C3orf38: variants seen among roughly 807,000 people sequenced by gnomAD.
C3orf38 encodes chromosome 3 open reading frame 38.
A neutral mutation model predicts 28.3 loss-of-function variants in C3orf38; 18 were observed. The ratio of observed to expected loss-of-function variants is 0.64; its 90% CI spans 0.44 to 0.94. The LOEUF (loss-of-function observed/expected upper bound fraction) is 0.94. Among genes scored for constraint, C3orf38 ranks in the 40% least tolerant of loss-of-function variants. The pLI is 0.00. For synonymous variants in C3orf38, 145 were observed against 138.1 expected, an observed-to-expected ratio of 1.05 and a Z score of -0.35; for missense variants, 364 against 396.4, an observed-to-expected ratio of 0.92 and a Z score of 0.69.
In C3orf38 at chr3:88,156,662, CA is replaced by C. The variant is rs1412494635; in HGVS notation, c.*31del. 1 of 1,590,998 alleles carries C rather than the reference CA, an allele frequency of 6.3e-7. No homozygotes were observed. The highest frequency in any genetic ancestry group is 1.4e-5 in the African/African-American group (1 of 73,908). ...GTAGTGGAAATGAGACATTGCTGAACAAAAGAGAACTGGGTTTACCTGACCC... is the reference window on the plus strand; with the variant it reads ...GTAGTGGAAATGAGACATTGCTGAACAAAGAGAACTGGGTTTACCTGACCC... On this transcript the variant is annotated 3_prime_UTR_variant, in exon 3 of 3. Coordinates refer to ENST00000318887, the MANE Select transcript of C3orf38 (RefSeq NM_173824.4).
chr3:88,150,282 G>T, intron 1 of C3orf38, 97 bp downstream of exon 1: 1 of 1,428,302 alleles, frequency 7.0e-7, no homozygotes, highest in South Asian at 1.3e-5. Flanking sequence ...GGCCGCAGCC[G>T]CAGATCCACA....
Position 88,150,136 on chromosome 3 carries a change from C to T in C3orf38, c.84C>T (p.Ala28=), listed in dbSNP as rs757438009. 8.1e-6 allele frequency: 13 copies of T among 1,614,064 alleles called. No homozygotes were observed. The East Asian group carries it at 2.7e-4, about 33-fold the overall frequency. Reference sequence around the variant, plus strand: ...TACTGGACAACGACGAGATCATGGCCCTATGCGACACTGTCACCAACCGCC... The same window carrying T: ...TACTGGACAACGACGAGATCATGGCTCTATGCGACACTGTCACCAACCGCC... ...LGLLDNDEIM[A]LCDTVTNRLV... Residue 28 remains alanine, a synonymous_variant, in exon 1 of 3, where the codon GCC becomes GCT. Coordinates refer to ENST00000318887, the MANE Select transcript of C3orf38 (RefSeq NM_173824.4).
In C3orf38 at chr3:88,150,278, A is replaced by G. The variant is rs761055192; in HGVS notation, c.133+93A>G. 437 of 1,460,440 alleles carry G rather than the reference A, an allele frequency of 3.0e-4. 3 individuals are homozygous for G. Among genetic ancestry groups the G allele is most frequent in the Non-Finnish European group, 3.0e-4 (319 of 1,076,260 alleles). The allele number at this position is 1,460,440 out of a possible 1,614,324, so 90.5% of individuals were successfully genotyped here. On this transcript the variant is annotated intron_variant, in intron 1 of 2. Transcript: ENST00000318887. ...CAGAATCCTCGGGAATGTTGGCCGC[A>G]GCCGCAGATCCACAGCTCTGGAACC...
chr3:88,155,879 A>T, intron 2 of C3orf38, 142 bp from the exon 3 acceptor site: 1 of 567,648 alleles, frequency 1.8e-6, no homozygotes, highest in Non-Finnish European at 2.8e-6. Flanking sequence ...TTTACTATGC[A>T]TAATGGGTTC....
intron 1 of C3orf38, among the ~76,000 whole-genome samples, chr3:88,152,219 C>A (rs1218107384): frequency 6.6e-6 from 1 of 150,922 alleles, no homozygotes; most frequent in East Asian, 2.0e-4. Context: ...AGTTCAAGAC[C>A]AGCCTGGCCA....
chr3:88,154,003 G>A lies in C3orf38; in HGVS notation c.375+532G>A, dbSNP rs536151605. 5.3e-5 allele frequency among the ~76,000 whole-genome samples: 8 copies of A among 152,302 alleles called. No homozygotes were observed. The East Asian group carries it at 1.2e-3, about 22-fold the overall frequency. Reference sequence around the variant, plus strand: ...TATATAATCATCTATTGATATGTGAGAAAGTATTTTTCAATATCAGCATCA... The same window carrying A: ...TATATAATCATCTATTGATATGTGAAAAAGTATTTTTCAATATCAGCATCA... On this transcript the variant is annotated intron_variant, in intron 2 of 2. Transcript: ENST00000318887.
At position 88,156,456 on chromosome 3, in the gene C3orf38, A is replaced by G. The variant is rs1016854615; in HGVS notation, c.811A>G (p.Ile271Val). ...FVENTWKIKFINLKIMGESSL... is the reference protein window; with the variant it reads ...FVENTWKIKFVNLKIMGESSL... Reference sequence around the variant, plus strand: ...GGAGAATACTTGGAAAATCAAATTTATCAACCTGAAAATTATGGGAGAGAG... The same window carrying G: ...GGAGAATACTTGGAAAATCAAATTTGTCAACCTGAAAATTATGGGAGAGAG... The change falls in exon 3 of 3, where the codon ATC becomes GTC. Residue 271 changes from isoleucine to valine, a missense_variant. Physicochemically the swap from Ile to Val is conservative, Grantham distance 29 (BLOSUM62 3). Coordinates refer to ENST00000318887, the MANE Select transcript of C3orf38 (RefSeq NM_173824.4). 1.9e-6 allele frequency: 3 copies of G among 1,614,080 alleles called. No individual in the cohort carries two copies. The highest frequency in any genetic ancestry group is 8.5e-7 in the Non-Finnish European group (1 of 1,180,030).
At chr3:88,153,514 C>A (rs773730724) in intron 2 of C3orf38, 43 bp downstream of exon 2, 12 of 1,596,580 alleles carry the variant, frequency 7.5e-6, no homozygotes, top group Non-Finnish European at 1.0e-5. Context: ...TTTGTTCTGT[C>A]TGAAACTTTG....
At chr3:88,154,653 G>A (rs1197490761) in intron 2 of C3orf38, among the ~76,000 whole-genome samples, 2 of 152,094 alleles carry the variant, frequency 1.3e-5, no homozygotes, top group African/African-American at 2.4e-5. Flanking sequence ...CATTGACTTT[G>A]AAATCATACA....
rs1259530227 is a variant in C3orf38 at position 88,149,986 on chromosome 3, C to CT, written c.-67_-66insT. 33 of 1,602,018 alleles carry CT rather than the reference C, an allele frequency of 2.1e-5. No homozygotes were observed. In the African/African-American group the frequency reaches 4.4e-4, roughly 21 times the overall value. On this transcript the variant is annotated 5_prime_UTR_variant, in exon 1 of 3. Coordinates refer to ENST00000318887, the MANE Select transcript of C3orf38 (RefSeq NM_173824.4). The stretch of plus-strand genomic sequence containing the variant: ...GAAAGGCACTTCCGGTGTCTGTTGC[C>CT]AGGCGCGGGCCCAGTGGGCCGTAGG...
rs1707442484 is a variant in C3orf38 at position 88,153,409 on chromosome 3, C to T, written c.313C>T (p.Leu105=). ...AGATTACTGGCAAAAGCAACCACAACTGAAATTGAAGGAAACGCCAGAGCC... is the reference window on the plus strand; with the variant it reads ...AGATTACTGGCAAAAGCAACCACAATTGAAATTGAAGGAAACGCCAGAGCC... ...AKDYWQKQPQ[L]KLKETPEPVT... The change falls in exon 2 of 3, where the codon CTG becomes TTG. Residue 105 remains leucine, a synonymous_variant. Transcript: ENST00000318887. 1.2e-6 allele frequency: 2 copies of T among 1,614,042 alleles called. No individual in the cohort carries two copies. Among genetic ancestry groups the T allele is most frequent in the Non-Finnish European group, 1.7e-6 (2 of 1,180,016 alleles).
intron 2 of C3orf38, 93 bp downstream of exon 2, chr3:88,153,564 T>G (rs1417613884): frequency 6.2e-5 from 88 of 1,411,492 alleles, no homozygotes; most frequent in Middle Eastern, 4.4e-4. Context: ...TTAATAATGT[T>G]TGTGGGGTTT....
Position 88,156,706 on chromosome 3 carries a change from T to C in C3orf38, c.*71T>C. On this transcript the variant is annotated 3_prime_UTR_variant, in exon 3 of 3. Transcript: ENST00000318887. The stretch of plus-strand genomic sequence containing the variant: ...CCTGACCCTCTAAAGCGCTAAGTAC[T>C]GTCAGCCTGAAAAAAATCTTCTATA... 6.8e-7 allele frequency: 1 copy of C among 1,478,084 alleles called. No homozygotes were observed. Among genetic ancestry groups the C allele is most frequent in the Non-Finnish European group, 9.1e-7 (1 of 1,100,938 alleles). 91.6% of individuals were successfully genotyped at this position (1,478,084 alleles called of 1,614,324 possible).
chr3:88,153,242 C>T lies in C3orf38; in HGVS notation c.146C>T (p.Ala49Val), dbSNP rs1425118604. 1.2e-5 allele frequency: 20 copies of T among 1,609,500 alleles called. No homozygotes were observed. The highest frequency in any genetic ancestry group is 1.7e-5 in the Non-Finnish European group (20 of 1,178,710). ...QPQDRQDAVH[A>V]ILAYSQSAEE... ...AATTTCTTTCTAGATGCTGTTCATG[C>T]AATATTAGCATACAGTCAAAGTGCA... The change falls in exon 2 of 3, where the codon GCA becomes GTA. Residue 49 changes from alanine to valine, a missense_variant. Transcript: ENST00000318887.
chr3:88,154,198 TA>T (rs1336772052), intron 2 of C3orf38, among the ~76,000 whole-genome samples: 1 of 152,036 alleles, frequency 6.6e-6, no homozygotes, highest in African/African-American at 2.4e-5. Flanking sequence ...AATTTTACTT[TA>T]AAAAAAATTT....
At chr3:88,150,287 T>G in intron 1 of C3orf38, 102 bp downstream of exon 1, 2 of 1,403,120 alleles carry the variant, frequency 1.4e-6, no homozygotes, top group South Asian at 1.3e-5. Context: ...CAGCCGCAGA[T>G]CCACAGCTCT....
At position 88,153,123 on chromosome 3, in the gene C3orf38, A is replaced by G. The variant is rs1372767318; in HGVS notation, c.134-107A>G. 4 of 1,034,388 alleles carry G rather than the reference A, an allele frequency of 3.9e-6. No individual in the cohort carries two copies. In the Admixed American group the frequency reaches 1.1e-4, roughly 29 times the overall value. 64.1% of individuals were successfully genotyped at this position (1,034,388 alleles called of 1,614,324 possible). A position where few individuals can be genotyped will look rare whatever the true frequency, so the allele number is the denominator to read the frequency against. On this transcript the variant is annotated intron_variant, in intron 1 of 2. Transcript: ENST00000318887. ...TGATGACTATCATGTAACAGCAATA[A>G]TGCTGTGACGAGAGTTTATAAACAT...
Position 88,153,254 on chromosome 3 carries a change from ACAGT to A in C3orf38, c.161_164del (p.Ser54LysfsTer7). 6.2e-7 allele frequency: 1 copy of A among 1,613,234 alleles called. No homozygotes were observed. The highest frequency in any genetic ancestry group is 1.1e-5 in the South Asian group (1 of 91,068). The stretch of plus-strand genomic sequence containing the variant: ...GATGCTGTTCATGCAATATTAGCAT[ACAGT>A]CAAAGTGCAGAAGAACTTCTGAGGC... On this transcript the variant is annotated frameshift_variant, in exon 2 of 3. Transcript: ENST00000318887. LOFTEE classifies it high-confidence loss of function.
At chr3:88,155,151 C>A (rs901869969) in intron 2 of C3orf38, among the ~76,000 whole-genome samples, 1 of 151,982 alleles carries the variant, frequency 6.6e-6, no homozygotes. Context: ...TGAACCACCA[C>A]GCCCAGCTTA....
Sources: allele counts gnomAD v4.1 joint callset (sites outside exome capture counted in the v4.1 genomes callset), GRCh38; gene constraint gnomAD v4.1.1; transcripts MANE v1.5; gene names NCBI Gene and HGNC (gene_info 2026-07-23, HGNC 2026-07-21).